HIPK2: variants seen among roughly 807,000 people sequenced by gnomAD.
HIPK2 encodes the protein homeodomain interacting protein kinase 2.
In HIPK2, 27 loss-of-function variants were observed where a neutral mutation model predicts 113.7. The observed-to-expected ratio is 0.24, with a 90% CI of 0.17 to 0.33. The LOEUF is 0.33. Among genes scored for constraint, HIPK2 ranks in the 10% least tolerant of loss-of-function variants. The probability of loss-of-function intolerance (pLI) is 1.00; values close to 1 mark genes in which losing one functional copy is unlikely to be tolerated. For missense variants in HIPK2, 1,257 were observed against 1,588.0 expected, an observed-to-expected ratio of 0.79 and a Z score of 3.54; for synonymous variants, 631 against 642.2, an observed-to-expected ratio of 0.98 and a Z score of 0.26.
chr7:139,596,454 G>A (rs1400624701), intron 12 of HIPK2, among the ~76,000 whole-genome samples: 1 of 152,164 alleles, frequency 6.6e-6, no homozygotes, highest in Non-Finnish European at 1.5e-5. Flanking sequence ...CGATTTTTAT[G>A]GTCTCAAGTT....
intron 11 of HIPK2, among the ~76,000 whole-genome samples, chr7:139,597,243 C>T (rs1335408004): frequency 6.6e-6 from 1 of 152,178 alleles, no homozygotes; most frequent in African/African-American, 2.4e-5. Context: ...GCAGCCAGGG[C>T]TTTCGGAGCA....
chr7:139,757,233 G>A (rs1569485194), intron 1 of HIPK2, among the ~76,000 whole-genome samples: 1 of 152,148 alleles, frequency 6.6e-6, no homozygotes, highest in African/African-American at 2.4e-5. Flanking sequence ...CTTTTACCAG[G>A]CTTTCCCGGA....
intron 2 of HIPK2, among the ~76,000 whole-genome samples, chr7:139,648,978 G>A (rs929891718): frequency 5.9e-5 from 9 of 152,240 alleles, no homozygotes; most frequent in South Asian, 2.1e-4. Flanking sequence ...AAAAGCTGGC[G>A]TCTGAAGGTA....
At chr7:139,662,971 T>A (rs1303716226) in intron 2 of HIPK2, among the ~76,000 whole-genome samples, 1 of 152,174 alleles carries the variant, frequency 6.6e-6, no homozygotes. Context: ...CCTGACACTA[T>A]CCAAGTCCTG....
chr7:139,690,608 C>T (rs887683259), intron 2 of HIPK2, among the ~76,000 whole-genome samples: 1 of 151,770 alleles, frequency 6.6e-6, no homozygotes, highest in Non-Finnish European at 1.5e-5. Context: ...CCCAGGAGTT[C>T]GAGACCAGCC....
Position 139,630,287 on chromosome 7 carries a change from G to A in HIPK2, c.1347+878C>T, listed in dbSNP as rs1439098995. Reference sequence around the variant, plus strand: ...GAACCAGACACCTCCCTGGGCCTTAGGATATTCCCATGGGCTCACCAGGCA... The same window carrying A: ...GAACCAGACACCTCCCTGGGCCTTAAGATATTCCCATGGGCTCACCAGGCA... On this transcript the variant is annotated intron_variant, in intron 4 of 14. Coordinates refer to ENST00000406875, the MANE Select transcript of HIPK2 (RefSeq NM_022740.5). This position sits in a 1 kb window ranked among gnomAD's most constrained non-coding sequence, Gnocchi z 4.0. 6.6e-6 allele frequency among the ~76,000 whole-genome samples: 1 copy of A among 152,104 alleles called. No individual in the cohort carries two copies. Among genetic ancestry groups the A allele is most frequent in the Non-Finnish European group, 1.5e-5 (1 of 68,024 alleles).
chr7:139,640,421 C>A (rs112286936), intron 2 of HIPK2, among the ~76,000 whole-genome samples: 1 of 152,100 alleles, frequency 6.6e-6, no homozygotes, highest in East Asian at 1.9e-4. Flanking sequence ...GGGCGTGGCC[C>A]GCACTTGGGA....
chr7:139,720,062 C>A (rs1256830611), intron 1 of HIPK2, among the ~76,000 whole-genome samples: 6 of 152,226 alleles, frequency 3.9e-5, no homozygotes, highest in Admixed American at 3.3e-4. Context: ...CTCTACTAAC[C>A]TTCCTGGGTC....
At chr7:139,777,421 G>A (rs961903260) in intron 1 of HIPK2, among the ~76,000 whole-genome samples, 184 bp downstream of exon 1, 2 of 151,712 alleles carry the variant, frequency 1.3e-5, no homozygotes, top group Non-Finnish European at 3.0e-5. Context: ...CTGGAAGCAA[G>A]ACCCTGCCGG....
intron 1 of HIPK2, among the ~76,000 whole-genome samples, chr7:139,717,545 G>A (rs1183422159): frequency 1.3e-5 from 2 of 152,096 alleles, no homozygotes; most frequent in African/African-American, 4.8e-5. Context: ...TGGCATCTTT[G>A]TCATCGATTC....
intron 2 of HIPK2, among the ~76,000 whole-genome samples, chr7:139,704,347 C>T (rs1349712876): frequency 7.5e-6 from 1 of 134,178 alleles, no homozygotes; most frequent in Admixed American, 7.5e-5. Context: ...ACATACCCCA[C>T]CACACACACT....
chr7:139,702,750 A>G (rs1471018947), intron 2 of HIPK2, among the ~76,000 whole-genome samples: 5 of 152,180 alleles, frequency 3.3e-5, no homozygotes, highest in Non-Finnish European at 7.3e-5. Context: ...CCCTGGGCAC[A>G]CGGAGGCTGG....
chr7:139,712,844 G>A (rs1262765985), intron 2 of HIPK2, among the ~76,000 whole-genome samples: 1 of 152,136 alleles, frequency 6.6e-6, no homozygotes, highest in Non-Finnish European at 1.5e-5. Context: ...CGATCTATAT[G>A]GTGGCAAACC....
At chr7:139,635,979 G>C (rs1800799465) in intron 2 of HIPK2, among the ~76,000 whole-genome samples, 1 of 152,212 alleles carries the variant, frequency 6.6e-6, no homozygotes. Context: ...TCTCTGGAGA[G>C]AGTCATCTCC....
At chr7:139,597,763 T>C (rs1210608973) in intron 11 of HIPK2, among the ~76,000 whole-genome samples, 2 of 152,228 alleles carry the variant, frequency 1.3e-5, no homozygotes, top group African/African-American at 4.8e-5. Flanking sequence ...TTAATTTTGA[T>C]CAACTTGAAA....
chr7:139,758,698 T>C (rs1796401771), intron 1 of HIPK2, among the ~76,000 whole-genome samples: 1 of 152,090 alleles, frequency 6.6e-6, no homozygotes, highest in African/African-American at 2.4e-5. Flanking sequence ...AGAATCTAAC[T>C]AATGCCTGAT....
At chr7:139,586,511 G>C (rs1480723107) in intron 12 of HIPK2, among the ~76,000 whole-genome samples, 1 of 152,116 alleles carries the variant, frequency 6.6e-6, no homozygotes, top group Non-Finnish European at 1.5e-5. Flanking sequence ...GCTCATGCCT[G>C]TAATCTCGGT....
chr7:139,616,012 G>A (rs531436115), intron 7 of HIPK2, among the ~76,000 whole-genome samples: 45 of 152,198 alleles, frequency 3.0e-4, no homozygotes, highest in African/African-American at 1.0e-3. Context: ...ATCTCTTCCG[G>A]AGGCTTCTTC....
intron 2 of HIPK2, among the ~76,000 whole-genome samples, chr7:139,704,710 T>C (rs1217803706): frequency 1.3e-5 from 2 of 152,184 alleles, no homozygotes; most frequent in Non-Finnish European, 2.9e-5. Flanking sequence ...TTGACCCTAG[T>C]GATGTCAGTG....
Sources: gnomAD v4.1 joint callset for allele counts (sites outside exome capture counted in the v4.1 genomes callset) on GRCh38, gnomAD v4.1.1 for gene constraint, Gnocchi (gnomAD v3.1) non-coding constraint, MANE v1.5 for transcripts, NCBI Gene and HGNC (gene_info 2026-07-23, HGNC 2026-07-21) for gene names.